The following ALG14 variants were observed in gnomAD, a reference collection of about 807,000 sequenced individuals.
ALG14 encodes the protein UDP-N-acetylglucosamine transferase subunit ALG14.
In ALG14, 17 loss-of-function variants were observed where a neutral mutation model predicts 22.8. The ratio of observed to expected loss-of-function variants is 0.75; its 90% CI spans 0.51 to 1.12. The LOEUF (loss-of-function observed/expected upper bound fraction) is 1.12. Ranked by LOEUF, ALG14 falls within the 50% of genes most tolerant of loss-of-function variation. ALG14 has a pLI of 0.00. For missense variants in ALG14, 288 were observed against 271.8 expected (o/e 1.06, Z -0.42); for synonymous variants, 89 against 103.7 (o/e 0.86, Z 0.86).
At chr1:95,046,770 TG>T (rs1392674651) in intron 2 of ALG14, among the ~76,000 whole-genome samples, 18 of 152,290 alleles carry the variant, frequency 1.2e-4, no homozygotes, top group African/African-American at 4.3e-4. Flanking sequence ...TGATAGGAAA[TG>T]GTATAACAAT....
At chr1:95,027,748 A>G (rs1673865980) in intron 2 of ALG14, among the ~76,000 whole-genome samples, 2 of 152,222 alleles carry the variant, frequency 1.3e-5, no homozygotes, top group Admixed American at 1.3e-4. Context: ...AGTGTTGTTG[A>G]GAGTATGGGG....
intron 3 of ALG14, among the ~76,000 whole-genome samples, chr1:95,017,053 G>T (rs1673523651): frequency 6.6e-6 from 1 of 151,486 alleles, no homozygotes; most frequent in African/African-American, 2.4e-5. Context: ...CCAACTATGT[G>T]AATCAGACAA....
At chr1:95,058,338 G>GCGT (rs1164944396) in intron 2 of ALG14, among the ~76,000 whole-genome samples, 2 of 149,386 alleles carry the variant, frequency 1.3e-5, no homozygotes, top group Non-Finnish European at 3.0e-5. Flanking sequence ...TGATAGCCGG[G>GCGT]CGTAGTGGCT....
rs1310482682 is a variant in ALG14 at position 94,999,346 on chromosome 1, T to A, written c.421-16040A>T. Among the ~76,000 whole-genome samples the A allele has an allele frequency of 2.4e-4, 31 of 129,560 alleles. No homozygotes were observed. The East Asian group carries it at 2.8e-3, about 12-fold the overall frequency. 85.0% of individuals were successfully genotyped at this position (129,560 alleles called of 152,430 possible). A position where few individuals can be genotyped will look rare whatever the true frequency, so the allele number is the denominator to read the frequency against. ...ATTAAATATTTTCAGTAGACCCATT[T>A]TTTTTTTTTTTTTTTTTTTTGGAAA... On this transcript the variant is annotated intron_variant, in intron 3 of 3. Coordinates refer to ENST00000370205, the MANE Select transcript of ALG14 (RefSeq NM_144988.4).
chr1:95,036,419 CTTTTTT>C (rs35068075), intron 2 of ALG14, among the ~76,000 whole-genome samples: 2 of 71,900 alleles, frequency 2.8e-5, no homozygotes, highest in Non-Finnish European at 4.8e-5. Flanking sequence ...AATTAAACCT[CTTTTTT>C]TTTTTTTTTT....
chr1:95,040,363 G>A (rs1395006557), intron 2 of ALG14, among the ~76,000 whole-genome samples: 1 of 152,084 alleles, frequency 6.6e-6, no homozygotes, highest in Admixed American at 6.6e-5. Context: ...GCACCATAAA[G>A]TGAGCATCTA....
intron 3 of ALG14, among the ~76,000 whole-genome samples, chr1:95,006,707 G>A (rs188007030): frequency 2.4e-4 from 36 of 152,308 alleles, no homozygotes; most frequent in Admixed American, 1.0e-3. Context: ...TGCTTTACCC[G>A]TATCTTCCCG....
intron 1 of ALG14, among the ~76,000 whole-genome samples, chr1:95,068,897 G>C (rs903555896): frequency 1.3e-5 from 2 of 152,072 alleles, no homozygotes; most frequent in East Asian, 1.9e-4. Flanking sequence ...TCAGAAACCT[G>C]GAAATCACCC....
At chr1:95,002,504 A>G (rs540087788) in intron 3 of ALG14, among the ~76,000 whole-genome samples, 2 of 152,174 alleles carry the variant, frequency 1.3e-5, no homozygotes, top group Non-Finnish European at 2.9e-5. Context: ...AAAAATATAA[A>G]GGGGAGACAG....
chr1:95,017,334 TAAAAC>T (rs922915243), intron 3 of ALG14, among the ~76,000 whole-genome samples: 2 of 151,964 alleles, frequency 1.3e-5, no homozygotes, highest in Admixed American at 6.6e-5. Context: ...GGAAAAGCCT[TAAAAC>T]AAAGAGTCAC....
intron 3 of ALG14, among the ~76,000 whole-genome samples, chr1:95,008,787 A>G (rs908145716): frequency 1.2e-4 from 19 of 152,136 alleles, no homozygotes; most frequent in Non-Finnish European, 1.9e-4. Flanking sequence ...TGTGATTACA[A>G]ACAGATACCG....
chr1:95,067,346 T>TCCC lies in ALG14; in HGVS notation c.137-2332_137-2330dup, dbSNP rs1319616895. 2.6e-5 allele frequency: 4 copies of TCCC among 152,322 alleles called. No homozygotes were observed. In the East Asian group the frequency reaches 7.7e-4, roughly 29 times the overall value. The allele number at this position is 152,322 out of a possible 1,614,324, so 9.4% of individuals were successfully genotyped here. A position where few individuals can be genotyped will look rare whatever the true frequency, so the allele number is the denominator to read the frequency against. The stretch of plus-strand genomic sequence containing the variant: ...TGTTTCAAAACAACTTATGTAACCC[T>TCCC]CCCCATTTTAGCTTTAAAAATTGCT... On this transcript the variant is annotated intron_variant, in intron 1 of 3. Transcript: ENST00000370205.
intron 1 of ALG14, among the ~76,000 whole-genome samples, chr1:95,071,177 T>C (rs1675549459): frequency 6.6e-6 from 1 of 152,190 alleles, no homozygotes; most frequent in African/African-American, 2.4e-5. Flanking sequence ...TCATGTGTGG[T>C]GTTATGACAA....
At position 94,995,980 on chromosome 1, in the gene ALG14, A is replaced by G. The variant is rs184637245; in HGVS notation, c.421-12674T>C. ...CTGACTTCAAGTTTAGCTGCGTTACATTAAGACTGCTTGACTGCACTAATG... is the reference window on the plus strand; with the variant it reads ...CTGACTTCAAGTTTAGCTGCGTTACGTTAAGACTGCTTGACTGCACTAATG... On this transcript the variant is annotated intron_variant, in intron 3 of 3. Coordinates refer to ENST00000370205, the MANE Select transcript of ALG14 (RefSeq NM_144988.4). 3.2e-3 allele frequency among the ~76,000 whole-genome samples: 495 copies of G among 152,346 alleles called. 1 individual carries two copies. The highest frequency in any genetic ancestry group is 0.011 in the African/African-American group (476 of 41,578).
intron 2 of ALG14, among the ~76,000 whole-genome samples, chr1:95,063,971 T>C (rs1473536458): frequency 6.6e-6 from 1 of 152,220 alleles, no homozygotes. Context: ...CAGTGGTTTG[T>C]AGCTCTCCTT....
rs775056839 is a variant in ALG14 at position 94,976,016 on chromosome 1, C to CAAAAAAAAAAAAAAAAAAAAAAAAAAA, written c.*7059_*7060insTTTTTTTTTTTTTTTTTTTTTTTTTTT. 1 of 50,908 alleles carries CAAAAAAAAAAAAAAAAAAAAAAAAAAA rather than the reference C, an allele frequency of 2.0e-5. No homozygotes were observed. The highest frequency in any genetic ancestry group is 7.7e-5 in the African/African-American group (1 of 13,018). The allele number at this position is 50,908 out of a possible 1,614,324, so 3.2% of individuals were successfully genotyped here. ...TGGGCAACAGAGCGAGACTCTGTCT[C>CAAAAAAAAAAAAAAAAAAAAAAAAAAA]AAAAAAAAAAAAAAAAAAAAAAAAG... is the stretch of plus-strand genomic sequence containing the variant. On this transcript the variant is annotated 3_prime_UTR_variant, in exon 4 of 4. Transcript: ENST00000370205.
At chr1:95,044,872 ATTT>A (rs145634022) in intron 2 of ALG14, among the ~76,000 whole-genome samples, 1 of 150,450 alleles carries the variant, frequency 6.6e-6, no homozygotes, top group Non-Finnish European at 1.5e-5. Context: ...TAAACAAAGT[ATTT>A]TTTTTTTAAA....
chr1:95,019,950 G>C (rs1348239869), intron 3 of ALG14, among the ~76,000 whole-genome samples: 1 of 152,186 alleles, frequency 6.6e-6, no homozygotes, highest in Non-Finnish European at 1.5e-5. Flanking sequence ...GGGTGTGGTG[G>C]CTCATGCCTA....
Position 94,975,309 on chromosome 1 carries a change from T to TA in ALG14, c.*7766_*7767insT, listed in dbSNP as rs1672373401. 1 of 152,282 alleles carries TA rather than the reference T, an allele frequency of 6.6e-6. No homozygotes were observed. The highest frequency in any genetic ancestry group is 1.5e-5 in the Non-Finnish European group (1 of 68,064). 9.4% of individuals were successfully genotyped at this position (152,282 alleles called of 1,614,324 possible). On this transcript the variant is annotated 3_prime_UTR_variant, in exon 4 of 4. Transcript: ENST00000370205. ...TACTGTTTACAAGGTTCATCCACACTGTAGCATGTATTAGTACTTCATTCC... is the reference window on the plus strand; with the variant it reads ...TACTGTTTACAAGGTTCATCCACACTAGTAGCATGTATTAGTACTTCATTCC...
Sources: allele counts gnomAD v4.1 joint callset (sites outside exome capture counted in the v4.1 genomes callset), GRCh38; gene constraint gnomAD v4.1.1; transcripts MANE v1.5; gene names NCBI Gene and HGNC (gene_info 2026-07-23, HGNC 2026-07-21).